SMARCE1: variants seen among roughly 807,000 people sequenced by gnomAD.
SMARCE1 encodes the protein SWI/SNF-related matrix-associated actin-dependent regulator of chromatin subfamily E member 1.
Under a neutral mutation model 54.9 loss-of-function variants are expected in SMARCE1, and 13 were observed. That is an observed-to-expected ratio of 0.24 (90% CI 0.15 to 0.38). The LOEUF (loss-of-function observed/expected upper bound fraction) is 0.38, where lower values mean the gene tolerates loss of function less well. SMARCE1 is among the 10% of genes least tolerant of loss of function. The probability of loss-of-function intolerance (pLI) is 1.00; values close to 1 mark genes in which losing one functional copy is unlikely to be tolerated. For missense variants in SMARCE1, 295 were observed against 523.8 expected (o/e 0.56, Z 4.26); for synonymous variants, 151 against 175.3 (o/e 0.86, Z 1.10).
In SMARCE1 at chr17:40,626,325, A is replaced by G. The variant is rs1360221980; in HGVS notation, c.*2460T>C. The stretch of plus-strand genomic sequence containing the variant: ...CTCAGACTTTATGCATTCATACTCA[A>G]AATAAATGCACTAAAAATCAAGGAG... On this transcript the variant is annotated 3_prime_UTR_variant, in exon 11 of 11. Transcript: ENST00000348513. 6.6e-6 allele frequency: 1 copy of G among 152,200 alleles called. No individual in the cohort carries two copies. Among genetic ancestry groups the G allele is most frequent in the African/African-American group, 2.4e-5 (1 of 41,440 alleles). The allele number at this position is 152,200 out of a possible 1,614,324, so 9.4% of individuals were successfully genotyped here. A position where few individuals can be genotyped will look rare whatever the true frequency, so the allele number is the denominator to read the frequency against.
intron 10 of SMARCE1, 37 bp from the exon 11 acceptor site, chr17:40,629,030 G>A: frequency 6.5e-7 from 1 of 1,547,324 alleles, no homozygotes. Context: ...GTTCCAAGAT[G>A]AAATTTTACT....
At chr17:40,636,604 A>G in intron 5 of SMARCE1, 78 bp from the exon 6 acceptor site, 1 of 1,130,048 alleles carries the variant, frequency 8.8e-7, no homozygotes, top group Non-Finnish European at 1.3e-6. Flanking sequence ...TAATGTGGAA[A>G]CTTTTCAACA....
At chr17:40,646,180 T>C (rs1315279935) in intron 1 of SMARCE1, among the ~76,000 whole-genome samples, 3 of 152,186 alleles carry the variant, frequency 2.0e-5, no homozygotes, top group Admixed American at 1.3e-4. Flanking sequence ...GAATAGAAAG[T>C]GATGTATTAT....
chr17:40,631,471 A>C, intron 9 of SMARCE1, 121 bp downstream of exon 9: 1 of 600,854 alleles, frequency 1.7e-6, no homozygotes, highest in Non-Finnish European at 2.9e-6. Flanking sequence ...GTTTATAATA[A>C]AGTTAGCCCT....
At chr17:40,636,278 C>CA in intron 6 of SMARCE1, 117 bp downstream of exon 6, 1 of 1,225,126 alleles carries the variant, frequency 8.2e-7, no homozygotes, top group South Asian at 1.4e-5. Flanking sequence ...CTCAGGTAGA[C>CA]AGAGCCTCAG....
intron 7 of SMARCE1, chr17:40,634,962 T>G (rs940953314): frequency 6.6e-6 from 1 of 152,154 alleles, no homozygotes; most frequent in South Asian, 2.1e-4. Context: ...TTCTCTATAG[T>G]ATTACATTCC....
intron 4 of SMARCE1, among the ~76,000 whole-genome samples, chr17:40,639,655 CA>C (rs1215380629): frequency 6.6e-6 from 1 of 152,080 alleles, no homozygotes; most frequent in African/African-American, 2.4e-5. Flanking sequence ...ACTAAAAAAA[CA>C]CCCCAAAACA....
chr17:40,639,620 T>TACA (rs898993111), intron 4 of SMARCE1, among the ~76,000 whole-genome samples: 7 of 152,170 alleles, frequency 4.6e-5, no homozygotes, highest in Admixed American at 2.0e-4. Context: ...CCAGTCAACT[T>TACA]ACAACAACAA....
chr17:40,634,487 T>C (rs775453211), intron 7 of SMARCE1: 2 of 152,278 alleles, frequency 1.3e-5, no homozygotes, highest in Non-Finnish European at 2.9e-5. Flanking sequence ...TTGTACTTCA[T>C]GCAGATGCCA....
rs904283657 is a variant in SMARCE1, at chr17:40,625,735, C to T, written c.*3050G>A. 1 of 152,180 alleles carries T rather than the reference C, an allele frequency of 6.6e-6. No homozygotes were observed. The highest frequency in any genetic ancestry group is 2.4e-5 in the African/African-American group (1 of 41,452). The allele number at this position is 152,180 out of a possible 1,614,324, so 9.4% of individuals were successfully genotyped here. A position where few individuals can be genotyped will look rare whatever the true frequency, so the allele number is the denominator to read the frequency against. On this transcript the variant is annotated 3_prime_UTR_variant, in exon 11 of 11. Transcript: ENST00000348513. ...ACTTCAATATGCATGACCCCAGATT[C>T]CCCTTTAAAATATAGTCCAAGTATT...
At chr17:40,632,038 T>A in intron 8 of SMARCE1, 157 bp downstream of exon 8, 1 of 598,762 alleles carries the variant, frequency 1.7e-6, no homozygotes, top group Non-Finnish European at 2.9e-6. Context: ...TTATTAAACA[T>A]CTGGGAAAGG....
intron 7 of SMARCE1, 44 bp downstream of exon 7, chr17:40,635,885 AAC>A (rs773396112): frequency 1.9e-4 from 259 of 1,378,232 alleles, no homozygotes; most frequent in Middle Eastern, 9.2e-4. Flanking sequence ...CTCATATCTT[AAC>A]TCACAGAGAA....
In SMARCE1 at chr17:40,642,717, T is replaced by C. The variant is rs1267185050; in HGVS notation, c.52-158A>G. 6.6e-6 allele frequency among the ~76,000 whole-genome samples: 1 copy of C among 152,204 alleles called. No individual in the cohort carries two copies. The highest frequency in any genetic ancestry group is 1.9e-4 in the East Asian group (1 of 5,204). On this transcript the variant is annotated intron_variant, in intron 3 of 10. Coordinates refer to ENST00000348513, the MANE Select transcript of SMARCE1 (RefSeq NM_003079.5). This position sits in a 1 kb window ranked among gnomAD's most constrained non-coding sequence, Gnocchi z 4.6. The stretch of plus-strand genomic sequence containing the variant: ...TGTTCTTTTTTTCCACTGAGGAAAT[T>C]AAATATTTTTCTTTCATTGAGAAAC...
chr17:40,628,072 G>GT lies in SMARCE1; in HGVS notation c.*712dup, dbSNP rs1354790695. On this transcript the variant is annotated 3_prime_UTR_variant, in exon 11 of 11. Coordinates refer to ENST00000348513, the MANE Select transcript of SMARCE1 (RefSeq NM_003079.5). ...TGTCTTTGGAAAACCTGGTAAAAAAGTAATTTTTTTTCTATACAATAAGGA... is the reference window on the plus strand; with the variant it reads ...TGTCTTTGGAAAACCTGGTAAAAAAGTTAATTTTTTTTCTATACAATAAGGA... 6.6e-6 allele frequency: 1 copy of GT among 152,574 alleles called. No individual in the cohort carries two copies. Among genetic ancestry groups the GT allele is most frequent in the Non-Finnish European group, 1.5e-5 (1 of 68,020 alleles). 9.5% of individuals were successfully genotyped at this position (152,574 alleles called of 1,614,324 possible).
chr17:40,639,387 T>C (rs1280169262), intron 4 of SMARCE1, among the ~76,000 whole-genome samples: 3 of 152,160 alleles, frequency 2.0e-5, no homozygotes, highest in Non-Finnish European at 2.9e-5. Context: ...ATTGTGCCCA[T>C]AACTGAGGTG....
rs1432681998 is a variant in SMARCE1, at chr17:40,631,624, T to C, written c.784A>G (p.Ser262Gly). The change falls in exon 9 of 11, where the codon AGC (serine) becomes GGC (glycine). Residue 262 changes from serine (S) to glycine (G), a missense_variant. By Grantham distance (56) the Ser-to-Gly change is moderately conservative. This residue lies in a region of SMARCE1 where 101 missense variants were observed against 183.1 expected (regional missense o/e 0.55). Coordinates refer to ENST00000348513, the MANE Select transcript of SMARCE1 (RefSeq NM_003079.5). Reference protein sequence around the residue: ...HQEKKRKFLESTDSFNNELKR... With the variant: ...HQEKKRKFLEGTDSFNNELKR... The stretch of plus-strand genomic sequence containing the variant: ...AGTTCATTGTTAAATGAATCTGTGC[T>C]TTCCAGGAATTTCCTCTTCTTCTCC... The C allele has an allele frequency of 1.2e-6, 2 of 1,606,114 alleles. No homozygotes were observed. Among genetic ancestry groups the C allele is most frequent in the Non-Finnish European group, 1.7e-6 (2 of 1,173,114 alleles).
At position 40,637,029 on chromosome 17, in the gene SMARCE1, CA is replaced by C. The variant is rs398041688; in HGVS notation, c.237+462del. The C allele has an allele frequency of 7.8e-3, 790 of 101,374 alleles. 5 individuals carry two copies. Among genetic ancestry groups the C allele is most frequent in the South Asian group, 0.017 (50 of 2,866 alleles). The allele number at this position is 101,374 out of a possible 1,614,324, so 6.3% of individuals were successfully genotyped here. A position where few individuals can be genotyped will look rare whatever the true frequency, so the allele number is the denominator to read the frequency against. On this transcript the variant is annotated intron_variant, in intron 5 of 10. Transcript: ENST00000348513. ...TTTAAGAGTAATGTAGGCTCATCAC[CA>C]AAAAAAAAAAAAAAAAAAGGAAAAC...
intron 8 of SMARCE1, chr17:40,631,966 G>A (rs566242799): frequency 5.5e-6 from 3 of 542,814 alleles, no homozygotes; most frequent in South Asian, 5.9e-5. Context: ...AAGTTCACAC[G>A]TATTTCTTAA....
chr17:40,641,177 A>T (rs1243158243), intron 4 of SMARCE1: 2 of 152,200 alleles, frequency 1.3e-5, no homozygotes, highest in African/African-American at 4.8e-5. Context: ...TTAAACTGAA[A>T]TGTTCTTTAT....
Sources: allele counts gnomAD v4.1 joint callset (sites outside exome capture counted in the v4.1 genomes callset), GRCh38; gene constraint gnomAD v4.1.1; regional missense constraint gnomAD v4.1.1; non-coding constraint Gnocchi (gnomAD v3.1); transcripts MANE v1.5; gene names NCBI Gene and HGNC (gene_info 2026-07-23, HGNC 2026-07-21).